The following ME3 variants were observed in gnomAD, a reference collection of about 807,000 sequenced individuals.
ME3 encodes NADP-dependent malic enzyme, mitochondrial.
A neutral mutation model predicts 68.9 loss-of-function variants in ME3; 48 were observed. The ratio of observed to expected loss-of-function variants is 0.70; its 90% CI spans 0.55 to 0.89. The LOEUF (loss-of-function observed/expected upper bound fraction) is 0.89. Among genes scored for constraint, ME3 ranks in the 40% least tolerant of loss-of-function variants. The pLI, the probability that ME3 is intolerant of heterozygous loss-of-function variation, is 0.00. For missense variants in ME3, 675 were observed against 797.4 expected (o/e 0.85, Z 1.85); for synonymous variants, 320 against 318.8 (o/e 1.00, Z -0.04).
At position 86,445,951 on chromosome 11, in the gene ME3, A is replaced by G. The variant is rs1235351911; in HGVS notation, c.1554+363T>C. Among the ~76,000 whole-genome samples, 3 of 151,720 alleles carry G rather than the reference A, an allele frequency of 2.0e-5. 1 individual carries two copies. The highest frequency in any genetic ancestry group is 4.2e-4 in the South Asian group (2 of 4,806). Reference sequence around the variant, plus strand: ...TTAAGGCCTGTGGCTGGAAGAATCCATCACCTATCATGGTCCACAAGCCCT... The same window carrying G: ...TTAAGGCCTGTGGCTGGAAGAATCCGTCACCTATCATGGTCCACAAGCCCT... On this transcript the variant is annotated intron_variant, in intron 13 of 14. Transcript: ENST00000543262.
At chr11:86,662,241 A>G (rs565870784) in intron 2 of ME3, among the ~76,000 whole-genome samples, 1 of 152,318 alleles carries the variant, frequency 6.6e-6, no homozygotes, top group African/African-American at 2.4e-5. Flanking sequence ...AGGTGGCCTG[A>G]GTTCAAGACT....
At chr11:86,657,769 A>T (rs1378223172) in intron 2 of ME3, among the ~76,000 whole-genome samples, 1 of 152,144 alleles carries the variant, frequency 6.6e-6, no homozygotes, top group Non-Finnish European at 1.5e-5. Context: ...TCGTTCACTT[A>T]TTTATTATCT....
exon 14 of ME3, chr11:86,442,919 G>C (rs771830027): frequency 2.5e-6 from 4 of 1,609,272 alleles, no homozygotes; most frequent in Non-Finnish European, 3.4e-6. Flanking sequence ...TGGGCAATTT[G>C]CTGGGGAGAA....
chr11:86,448,408 T>C (rs1011609441), intron 10 of ME3, among the ~76,000 whole-genome samples, 153 bp from the exon 11 acceptor site: 3 of 152,208 alleles, frequency 2.0e-5, no homozygotes, highest in Non-Finnish European at 4.4e-5. Flanking sequence ...TTGACTACAT[T>C]TCCTGGCAGA....
At chr11:86,671,600 C>T (rs1213470695) in intron 2 of ME3, 162 bp downstream of exon 2, 1 of 808,872 alleles carries the variant, frequency 1.2e-6, no homozygotes, top group Non-Finnish European at 1.9e-6. Flanking sequence ...AGAGGAGGGA[C>T]AAGAAAGCCA....
intron 2 of ME3, among the ~76,000 whole-genome samples, chr11:86,626,350 T>C (rs1458317972): frequency 1.3e-5 from 2 of 152,236 alleles, no homozygotes; most frequent in African/African-American, 2.4e-5. Context: ...CAGGGAATGC[T>C]TCTTCACCTG....
At chr11:86,457,376 G>A in intron 8 of ME3, 1 of 385,926 alleles carries the variant, frequency 2.6e-6, no homozygotes, top group Non-Finnish European at 3.6e-6. Flanking sequence ...CTCTTGTCAG[G>A]GTCCCCAAGT....
chr11:86,451,426 A>G (rs1027411039), intron 8 of ME3, among the ~76,000 whole-genome samples: 1 of 152,222 alleles, frequency 6.6e-6, no homozygotes, highest in Non-Finnish European at 1.5e-5. Context: ...TGTATGTTAG[A>G]CAGCATCTTT....
intron 7 of ME3, among the ~76,000 whole-genome samples, chr11:86,477,046 G>A (rs186231995): frequency 2.6e-5 from 4 of 152,218 alleles, no homozygotes; most frequent in Admixed American, 1.3e-4. Flanking sequence ...TAGCAAACAT[G>A]ATTTTTTTAC....
At chr11:86,633,186 C>G (rs560536468) in intron 2 of ME3, among the ~76,000 whole-genome samples, 1 of 152,200 alleles carries the variant, frequency 6.6e-6, no homozygotes, top group Non-Finnish European at 1.5e-5. Context: ...ATTACAGTCT[C>G]CAAGCAGCTC....
At chr11:86,654,865 A>T (rs1386367805) in intron 2 of ME3, among the ~76,000 whole-genome samples, 2 of 152,144 alleles carry the variant, frequency 1.3e-5, no homozygotes, top group Non-Finnish European at 2.9e-5. Context: ...CTCAGCCCAA[A>T]ATCTCCTTAA....
rs753140139 is a variant in ME3 at position 86,508,782 on chromosome 11, G to A, written c.543+10C>T. On this transcript the variant is annotated intron_variant, in intron 5 of 14. Transcript: ENST00000543262. ...ACAATGATTAAATAGCAATGAAAAC[G>A]GGATCATACCTTAATATTGTCTTCT... 7.7e-5 allele frequency: 123 copies of A among 1,601,454 alleles called. No homozygotes were observed. In the Admixed American group the frequency reaches 1.6e-3, roughly 21 times the overall value.
intron 2 of ME3, among the ~76,000 whole-genome samples, chr11:86,611,118 A>T (rs1440769239): frequency 6.6e-6 from 1 of 152,208 alleles, no homozygotes; most frequent in Admixed American, 6.5e-5. Flanking sequence ...CCTGGAGGAC[A>T]TTAAGTTAAG....
At chr11:86,478,968 G>A (rs1276026182) in intron 7 of ME3, among the ~76,000 whole-genome samples, 3 of 152,124 alleles carry the variant, frequency 2.0e-5, no homozygotes, top group African/African-American at 7.2e-5. Flanking sequence ...CAACTTGGCT[G>A]GTTTAGGGGA....
intron 2 of ME3, among the ~76,000 whole-genome samples, chr11:86,654,549 C>T (rs11234727): frequency 0.44 from 67,345 of 152,078 alleles, 16,783 homozygotes; most frequent in Non-Finnish European, 0.57. Context: ...TTCAACAACC[C>T]TTCATGCTGA....
At chr11:86,526,826 TAACA>T (rs1954791744) in intron 4 of ME3, among the ~76,000 whole-genome samples, 1 of 152,196 alleles carries the variant, frequency 6.6e-6, no homozygotes, top group South Asian at 2.1e-4. Flanking sequence ...GAAGGAAAAC[TAACA>T]AACAGAAAGG....
downstream of ME3, among the ~76,000 whole-genome samples, chr11:86,438,844 T>TTC (rs572222854): frequency 5.3e-5 from 8 of 151,548 alleles, no homozygotes; most frequent in Admixed American, 2.0e-4. Context: ...AATAAGATCT[T>TTC]TCTCTCTCTC....
intron 2 of ME3, among the ~76,000 whole-genome samples, chr11:86,659,617 C>T (rs541423949): frequency 3.3e-5 from 5 of 152,298 alleles, no homozygotes; most frequent in South Asian, 4.1e-4. Context: ...ATTAACTACC[C>T]GTGGCAGTGT....
rs571306340 is a variant in ME3, at chr11:86,672,073, T to G, written c.-14-115A>C. The G allele has an allele frequency of 1.2e-3, 991 of 851,030 alleles. 12 individuals carry two copies. The African/African-American group carries it at 0.016, about 14-fold the overall frequency. 52.7% of individuals were successfully genotyped at this position (851,030 alleles called of 1,614,324 possible). On this transcript the variant is annotated intron_variant, in intron 1 of 14. Transcript: ENST00000543262. ...GCGCCCTCTGGGAGAGGGCAGGTGCTCCCAAAGGGTTAAATGTTCCAGCCC... is the reference window on the plus strand; with the variant it reads ...GCGCCCTCTGGGAGAGGGCAGGTGCGCCCAAAGGGTTAAATGTTCCAGCCC...
Sources: allele counts gnomAD v4.1 joint callset (sites outside exome capture counted in the v4.1 genomes callset), GRCh38; gene constraint gnomAD v4.1.1; transcripts MANE v1.5; gene names NCBI Gene and HGNC (gene_info 2026-07-23, HGNC 2026-07-21).